ASB8: variants seen among roughly 807,000 people sequenced by gnomAD.
The protein encoded by ASB8 is ankyrin repeat and SOCS box containing 8.
In ASB8, 15 loss-of-function variants were observed where a neutral mutation model predicts 22.9. That is an observed-to-expected ratio of 0.66 (90% CI 0.44 to 1.01). The LOEUF (loss-of-function observed/expected upper bound fraction) is 1.01, where lower values mean the gene tolerates loss of function less well. Among genes scored for constraint, ASB8 ranks in the 50% least tolerant of loss-of-function variants. The probability of loss-of-function intolerance (pLI) is 0.00; values close to 1 mark genes in which losing one functional copy is unlikely to be tolerated. For missense variants in ASB8, 294 were observed against 356.9 expected, an observed-to-expected ratio of 0.82 and a Z score of 1.42; for synonymous variants, 124 against 140.8, an observed-to-expected ratio of 0.88 and a Z score of 0.84.
Position 48,149,882 on chromosome 12 carries a change from G to C in ASB8, c.351C>G (p.Asn117Lys). 6.2e-7 allele frequency: 1 copy of C among 1,614,184 alleles called. No individual in the cohort carries two copies. Among genetic ancestry groups the C allele is most frequent in the South Asian group, 1.1e-5 (1 of 91,084 alleles). Residue 117 changes from asparagine (N) to lysine (K), a missense_variant, in exon 4 of 4, where the codon AAC becomes AAG. By Grantham distance (94) the Asn-to-Lys change is moderately conservative (BLOSUM62 0). Transcript: ENST00000317697. ...YGANPNALDG[N>K]RDTPLHWAAF... is the part of the protein sequence containing the mutation. ...CTGCCCAGTGAAGTGGGGTATCTCT[G>C]TTGCCATCCAAAGCATTGGGGTTTG...
Position 48,149,202 on chromosome 12 carries a change from T to G in ASB8, c.*164A>C. ...GATTTTTTTTGTTGGGTTGTTTGGT[T>G]TGGGAAGGGGAGGTGCTATGGAGGT... On this transcript the variant is annotated 3_prime_UTR_variant, in exon 4 of 4. Coordinates refer to ENST00000317697, the MANE Select transcript of ASB8 (RefSeq NM_024095.5). The G allele has an allele frequency of 2.8e-6, 2 of 720,426 alleles. No individual in the cohort carries two copies. Among genetic ancestry groups the G allele is most frequent in the Non-Finnish European group, 4.4e-6 (2 of 457,316 alleles). 44.6% of individuals were successfully genotyped at this position (720,426 alleles called of 1,614,324 possible). A position where few individuals can be genotyped will look rare whatever the true frequency, so the allele number is the denominator to read the frequency against.
chr12:48,155,958 G>A (rs1414286276), intron 1 of ASB8, among the ~76,000 whole-genome samples: 1 of 151,392 alleles, frequency 6.6e-6, no homozygotes, highest in Non-Finnish European at 1.5e-5. Flanking sequence ...TGTATGTTTA[G>A]TAGAGACAGG....
At chr12:48,153,284 A>C (rs1375211274) in intron 2 of ASB8, 84 bp downstream of exon 2, 1 of 1,520,094 alleles carries the variant, frequency 6.6e-7, no homozygotes, top group East Asian at 2.3e-5. Context: ...TCTTGGGTTG[A>C]GTCAAAGCTG....
intron 2 of ASB8, among the ~76,000 whole-genome samples, chr12:48,152,475 G>A (rs1951219606): frequency 6.6e-6 from 1 of 152,194 alleles, no homozygotes; most frequent in South Asian, 2.1e-4. Context: ...GAAGAGGATA[G>A]TAAAGACCTT....
rs754077245 is a variant in ASB8, at chr12:48,149,457, C to T, written c.776G>A (p.Arg259His). Residue 259 changes from arginine (R) to histidine (H), a missense_variant, in exon 4 of 4, where the codon CGC (arginine) becomes CAC (histidine). Coordinates refer to ENST00000317697, the MANE Select transcript of ASB8 (RefSeq NM_024095.5). ...GAGATACTGGAGTCCCAGGCTACGG[C>T]GCACGGCATAGCGAGCGAGTGTTTT... ...TLKTLARYAV[R>H]RSLGLQYLPD... 25 of 1,613,994 alleles carry T rather than the reference C, an allele frequency of 1.5e-5. No homozygotes were observed. In the East Asian group the frequency reaches 1.6e-4, roughly 10 times the overall value.
chr12:48,153,564 A>T (rs769059257), intron 1 of ASB8, 35 bp from the exon 2 acceptor site: 6 of 1,542,530 alleles, frequency 3.9e-6, no homozygotes, highest in Non-Finnish European at 5.3e-6. Flanking sequence ...ATACAATATC[A>T]CTGAGCACAC....
chr12:48,152,779 G>A (rs1951224145), intron 2 of ASB8: 1 of 152,198 alleles, frequency 6.6e-6, no homozygotes, highest in African/African-American at 2.4e-5. Flanking sequence ...TGGGTTGCTT[G>A]AGCATGAGAA....
Position 48,148,658 on chromosome 12 carries a change from G to GTTTTTTTTTTT in ASB8, c.*697_*707dup, listed in dbSNP as rs34031535. 34 of 62,798 alleles carry GTTTTTTTTTTT rather than the reference G, an allele frequency of 5.4e-4. No individual in the cohort carries two copies. The highest frequency in any genetic ancestry group is 1.8e-3 in the African/African-American group (28 of 15,496). 3.9% of individuals were successfully genotyped at this position (62,798 alleles called of 1,614,324 possible). Reference sequence around the variant, plus strand: ...GTTTTTTCACAGATCAATTAAAATGGTTTTTTTTTTTTTTTTTTTTTTTTG... The same window carrying GTTTTTTTTTTT: ...GTTTTTTCACAGATCAATTAAAATGGTTTTTTTTTTTTTTTTTTTTTTTTTTTTTTTTTTTG... On this transcript the variant is annotated 3_prime_UTR_variant, in exon 4 of 4. Transcript: ENST00000317697.
At chr12:48,155,737 A>AT (rs1326776225) in intron 1 of ASB8, among the ~76,000 whole-genome samples, 277 of 117,898 alleles carry the variant, frequency 2.3e-3, no homozygotes, top group East Asian at 4.0e-3. Context: ...CTCAAAAAAA[A>AT]AAAAAATATA....
intron 1 of ASB8, among the ~76,000 whole-genome samples, chr12:48,155,933 C>T (rs1244760103): frequency 1.3e-5 from 2 of 151,334 alleles, no homozygotes; most frequent in East Asian, 3.9e-4. Context: ...TGCACCATCA[C>T]GCCCAGCTAA....
chr12:48,152,225 T>C (rs929616055), intron 2 of ASB8, among the ~76,000 whole-genome samples: 1 of 151,862 alleles, frequency 6.6e-6, no homozygotes, highest in African/African-American at 2.4e-5. Flanking sequence ...GCAGCAGAGC[T>C]AGAATTAGAA....
At chr12:48,150,661 A>T (rs1446138456) in intron 3 of ASB8, among the ~76,000 whole-genome samples, 2 of 152,182 alleles carry the variant, frequency 1.3e-5, no homozygotes, top group Non-Finnish European at 2.9e-5. Flanking sequence ...CAAATTTCCA[A>T]ATAGCATATA....
intron 2 of ASB8, 139 bp from the exon 3 acceptor site, chr12:48,151,444 T>G: frequency 3.1e-6 from 3 of 965,566 alleles, no homozygotes; most frequent in Non-Finnish European, 4.5e-6. Flanking sequence ...TGTTTCCTTT[T>G]CTATTAATAT....
chr12:48,150,239 C>T, intron 3 of ASB8: 1 of 700,084 alleles, frequency 1.4e-6, no homozygotes, highest in Non-Finnish European at 2.6e-6. Flanking sequence ...ACTAGCTGGT[C>T]TGCATTATTT....
rs551207037 is a variant in ASB8, at chr12:48,148,034, T to A, written c.*1332A>T. 7 of 152,228 alleles carry A rather than the reference T, an allele frequency of 4.6e-5. No individual in the cohort carries two copies. The highest frequency in any genetic ancestry group is 1.7e-4 in the African/African-American group (7 of 41,464). The allele number at this position is 152,228 out of a possible 1,614,324, so 9.4% of individuals were successfully genotyped here. On this transcript the variant is annotated 3_prime_UTR_variant, in exon 4 of 4. Transcript: ENST00000317697. ...TATCGTTCACTAAAGCAGATCTCTTTTGGGTAGATGGACCATCACAAAAGG... is the reference window on the plus strand; with the variant it reads ...TATCGTTCACTAAAGCAGATCTCTTATGGGTAGATGGACCATCACAAAAGG...
chr12:48,150,935 TAAG>T, intron 3 of ASB8: 1 of 560,074 alleles, frequency 1.8e-6, no homozygotes, highest in Middle Eastern at 4.6e-4. Flanking sequence ...CAGCTTAAGT[TAAG>T]GAGAAGAAAG....
At position 48,149,829 on chromosome 12, in the gene ASB8, C is replaced by T. The variant is rs140267012; in HGVS notation, c.404G>A (p.Arg135Gln). The change falls in exon 4 of 4, where the codon CGG becomes CAG. Residue 135 changes from arginine to glutamine, a missense_variant. Arg to Gln is a conservative substitution (Grantham distance 43). Transcript: ENST00000317697. Reference protein sequence around the residue: ...AAFKNNAECVRALLESGASVN... With the variant: ...AAFKNNAECVQALLESGASVN... ...AGAGGCCCCGCTCTCTAGGAGAGCCCGCACACACTCAGCATTGTTCTTAAA... is the reference window on the plus strand; with the variant it reads ...AGAGGCCCCGCTCTCTAGGAGAGCCTGCACACACTCAGCATTGTTCTTAAA... 32 of 1,613,916 alleles carry T rather than the reference C, an allele frequency of 2.0e-5. No homozygotes were observed. The highest frequency in any genetic ancestry group is 6.7e-5 in the Admixed American group (4 of 59,996).
chr12:48,150,963 A>T (rs1225943564), intron 3 of ASB8: 2 of 592,302 alleles, frequency 3.4e-6, no homozygotes, highest in African/African-American at 3.7e-5. Context: ...GCAGAGTATC[A>T]GCACCATACA....
chr12:48,151,979 C>T (rs1023465492), intron 2 of ASB8, among the ~76,000 whole-genome samples: 2 of 152,158 alleles, frequency 1.3e-5, no homozygotes, highest in African/African-American at 2.4e-5. Context: ...TGGTGAAACC[C>T]GGTCTCTACT....
Sources: gnomAD v4.1 joint callset for allele counts (sites outside exome capture counted in the v4.1 genomes callset) on GRCh38, gnomAD v4.1.1 for gene constraint, MANE v1.5 for transcripts, NCBI Gene and HGNC (gene_info 2026-07-23, HGNC 2026-07-21) for gene names.